Variants in STK39 observed in about 807,000 individuals in gnomAD.
STK39 encodes STE20/SPS1-related proline-alanine-rich protein kinase.
In STK39, 20 loss-of-function variants were observed where a neutral mutation model predicts 77.8. The ratio of observed to expected loss-of-function variants is 0.26; its 90% CI spans 0.18 to 0.37. STK39 has a LOEUF of 0.37. Ranked by LOEUF, STK39 falls within the 10% of genes least tolerant of loss-of-function variation. The pLI, the probability that STK39 is intolerant of heterozygous loss-of-function variation, is 1.00. For synonymous variants in STK39, 246 were observed against 234.1 expected (o/e 1.05, Z -0.47); for missense variants, 479 against 656.5 (o/e 0.73, Z 2.95).
At chr2:168,081,194 G>A (rs1014280728) in intron 10 of STK39, among the ~76,000 whole-genome samples, 5 of 152,114 alleles carry the variant, frequency 3.3e-5, no homozygotes, top group Non-Finnish European at 4.4e-5. Context: ...CCATGGGCCT[G>A]GAAAAGCCGC....
chr2:168,020,242 CAATATA>C (rs1306982064), intron 14 of STK39, among the ~76,000 whole-genome samples: 1 of 152,056 alleles, frequency 6.6e-6, no homozygotes, highest in Non-Finnish European at 1.5e-5. Context: ...CATTATATGT[CAATATA>C]AATTTTATAT....
At chr2:168,043,008 G>A (rs1277238382) in intron 14 of STK39, among the ~76,000 whole-genome samples, 4 of 152,150 alleles carry the variant, frequency 2.6e-5, no homozygotes, top group African/African-American at 9.7e-5. Flanking sequence ...GGAGGGGGAA[G>A]CTACAGGCTT....
intron 16 of STK39, among the ~76,000 whole-genome samples, chr2:167,986,647 T>C (rs895116305): frequency 1.7e-4 from 26 of 152,152 alleles, no homozygotes; most frequent in African/African-American, 3.1e-4. Flanking sequence ...GTGAAATCGA[T>C]GTCACATTGA....
At chr2:168,173,041 T>C (rs563407255) in intron 2 of STK39, among the ~76,000 whole-genome samples, 1 of 152,310 alleles carries the variant, frequency 6.6e-6, no homozygotes, top group East Asian at 1.9e-4. Context: ...GGTTCTAATG[T>C]GCAGCCACAG....
In STK39 at chr2:168,167,990, C is replaced by T. The variant is rs1235592566; in HGVS notation, c.322-583G>A. ...AAAAAGGAGGTGGCAGGGAAGAGAGCGGCAGGCGAAGTAAAATAAGCTTGG... is the reference window on the plus strand; with the variant it reads ...AAAAAGGAGGTGGCAGGGAAGAGAGTGGCAGGCGAAGTAAAATAAGCTTGG... On this transcript the variant is annotated intron_variant, in intron 2 of 17. Transcript: ENST00000355999. Among the ~76,000 whole-genome samples, 4 of 152,092 alleles carry T rather than the reference C, an allele frequency of 2.6e-5. No individual in the cohort carries two copies. In the South Asian group the frequency reaches 6.2e-4, roughly 24 times the overall value.
chr2:168,239,868 G>C (rs1690715403), intron 1 of STK39, among the ~76,000 whole-genome samples: 1 of 152,218 alleles, frequency 6.6e-6, no homozygotes, highest in Admixed American at 6.5e-5. Flanking sequence ...AAGGGGGGAG[G>C]GGGGCTCTAG....
intron 12 of STK39, among the ~76,000 whole-genome samples, chr2:168,067,712 A>G (rs535815172): frequency 6.6e-6 from 1 of 152,288 alleles, no homozygotes; most frequent in Non-Finnish European, 1.5e-5. Flanking sequence ...TCTTTTGGGT[A>G]TACTCTTCTA....
At chr2:168,166,953 G>A (rs1688707476) in intron 3 of STK39, among the ~76,000 whole-genome samples, 2 of 152,090 alleles carry the variant, frequency 1.3e-5, no homozygotes, top group Non-Finnish European at 2.9e-5. Flanking sequence ...TTAGGCCTGA[G>A]CACATGGAAA....
chr2:167,973,795 A>G (rs1233993432), intron 16 of STK39, among the ~76,000 whole-genome samples: 1 of 152,210 alleles, frequency 6.6e-6, no homozygotes, highest in Non-Finnish European at 1.5e-5. Flanking sequence ...CAGTTATGGA[A>G]GGTCTGCAAA....
At position 168,152,305 on chromosome 2, in the gene STK39, G is replaced by C. The variant is rs1574506937; in HGVS notation, c.628+9482C>G. 2.0e-5 allele frequency among the ~76,000 whole-genome samples: 3 copies of C among 152,138 alleles called. No individual in the cohort carries two copies. The East Asian group carries it at 5.8e-4, about 29-fold the overall frequency. Reference sequence around the variant, plus strand: ...TGGTAAAAGCAGCCACAGGACAGAGGCTTGGCTTACTCTCCTCTCTACACC... The same window carrying C: ...TGGTAAAAGCAGCCACAGGACAGAGCCTTGGCTTACTCTCCTCTCTACACC... On this transcript the variant is annotated intron_variant, in intron 5 of 17. Coordinates refer to ENST00000355999, the MANE Select transcript of STK39 (RefSeq NM_013233.3).
chr2:168,131,064 T>G (rs1432900655), intron 8 of STK39, among the ~76,000 whole-genome samples: 1 of 152,202 alleles, frequency 6.6e-6, no homozygotes, highest in Non-Finnish European at 1.5e-5. Context: ...GTGCTCTTCA[T>G]TTTCTTAGGT....
intron 3 of STK39, among the ~76,000 whole-genome samples, chr2:168,166,462 GCAA>G (rs1688694997): frequency 6.6e-6 from 1 of 152,176 alleles, no homozygotes; most frequent in African/African-American, 2.4e-5. Flanking sequence ...CTTCCCAAAT[GCAA>G]CAATAGGATG....
intron 16 of STK39, among the ~76,000 whole-genome samples, chr2:167,979,184 T>G (rs1244373193): frequency 6.6e-6 from 1 of 152,224 alleles, no homozygotes; most frequent in Non-Finnish European, 1.5e-5. Context: ...TTTGCTTGGG[T>G]AGATACCTAG....
chr2:168,229,361 G>A (rs1245000459), intron 1 of STK39, among the ~76,000 whole-genome samples: 1 of 150,524 alleles, frequency 6.6e-6, no homozygotes, highest in African/African-American at 2.4e-5. Flanking sequence ...TTCCAGCCTG[G>A]GTGACAGAGC....
At chr2:168,226,064 A>G (rs1690297127) in intron 1 of STK39, among the ~76,000 whole-genome samples, 1 of 152,222 alleles carries the variant, frequency 6.6e-6, no homozygotes, top group Admixed American at 6.5e-5. Flanking sequence ...ATTCTGACTA[A>G]GTAGAAACAA....
At chr2:168,083,614 G>C (rs1224458581) in intron 10 of STK39, among the ~76,000 whole-genome samples, 1 of 152,116 alleles carries the variant, frequency 6.6e-6, no homozygotes, top group East Asian at 1.9e-4. Context: ...TCAAGGGACA[G>C]TATGGAAGGG....
chr2:168,079,449 C>A (rs960668485), intron 10 of STK39, among the ~76,000 whole-genome samples: 5 of 152,240 alleles, frequency 3.3e-5, no homozygotes, highest in African/African-American at 7.2e-5. Flanking sequence ...TCAGCCCCAA[C>A]ATGTACTCTC....
intron 14 of STK39, among the ~76,000 whole-genome samples, chr2:168,042,745 A>C (rs1220925190): frequency 6.6e-6 from 1 of 151,872 alleles, no homozygotes; most frequent in Admixed American, 6.6e-5. Flanking sequence ...ATGCTCAGCT[A>C]ATTTTTGTAT....
At chr2:168,154,852 T>C (rs1688384859) in intron 5 of STK39, among the ~76,000 whole-genome samples, 1 of 152,152 alleles carries the variant, frequency 6.6e-6, no homozygotes, top group Non-Finnish European at 1.5e-5. Flanking sequence ...ATGTTTACCT[T>C]TTCTCCCACA....
Sources: allele counts gnomAD v4.1 joint callset (sites outside exome capture counted in the v4.1 genomes callset), GRCh38; gene constraint gnomAD v4.1.1; transcripts MANE v1.5; gene names NCBI Gene and HGNC (gene_info 2026-07-23, HGNC 2026-07-21).